Variants in PHF21A observed in about 807,000 individuals in gnomAD.
PHF21A encodes BHC80a.
Under a neutral mutation model 82.5 loss-of-function variants are expected in PHF21A, and 11 were observed. The observed-to-expected ratio is 0.13, with a 90% confidence interval of 0.08 to 0.22. The LOEUF is 0.22. PHF21A is among the 10% of genes least tolerant of loss of function. The probability of loss-of-function intolerance (pLI) is 1.00; values close to 1 mark genes in which losing one functional copy is unlikely to be tolerated. For missense variants in PHF21A, 579 were observed against 837.8 expected, an observed-to-expected ratio of 0.69 and a Z score of 3.81; for synonymous variants, 297 against 302.8, an observed-to-expected ratio of 0.98 and a Z score of 0.20.
At chr11:46,031,967 T>C (rs2095874618) in intron 6 of PHF21A, among the ~76,000 whole-genome samples, 1 of 152,198 alleles carries the variant, frequency 6.6e-6, no homozygotes, top group Admixed American at 6.5e-5. Flanking sequence ...TGCACATCTT[T>C]TTGTTCTCTT....
chr11:45,999,859 C>T (rs2095056067), intron 6 of PHF21A, among the ~76,000 whole-genome samples: 1 of 151,980 alleles, frequency 6.6e-6, no homozygotes, highest in Non-Finnish European at 1.5e-5. Context: ...ATAGAAACAT[C>T]GTAACTTTTC....
intron 6 of PHF21A, among the ~76,000 whole-genome samples, chr11:46,031,612 G>A (rs900885474): frequency 3.9e-5 from 6 of 152,188 alleles, no homozygotes; most frequent in African/African-American, 1.4e-4. Context: ...TAATTAGGCA[G>A]TTATGTAATT....
chr11:46,052,495 A>G (rs1254979076), intron 6 of PHF21A, among the ~76,000 whole-genome samples: 1 of 151,874 alleles, frequency 6.6e-6, no homozygotes. Flanking sequence ...ATTCAACCTC[A>G]CTGCCTATCA....
intron 1 of PHF21A, among the ~76,000 whole-genome samples, chr11:46,099,523 G>GACACACACACACACACACACACACAC (rs71038882): frequency 2.5e-4 from 35 of 137,674 alleles, no homozygotes; most frequent in South Asian, 5.0e-4. Context: ...AGAAAAATTA[G>GACACACACACACACACACACACACAC]ACACACACAC....
chr11:46,038,531 T>C (rs10838547), intron 6 of PHF21A, among the ~76,000 whole-genome samples: 22,854 of 152,172 alleles, frequency 0.15, 3,513 homozygotes, highest in East Asian at 0.62. Flanking sequence ...TTATCTTTAT[T>C]AGTTTACTGT....
At chr11:46,039,162 C>T (rs1047878570) in intron 6 of PHF21A, among the ~76,000 whole-genome samples, 5 of 152,130 alleles carry the variant, frequency 3.3e-5, no homozygotes, top group Admixed American at 6.5e-5. Flanking sequence ...TTTTGTTTTA[C>T]TGATGAAATA....
chr11:45,969,703 A>G lies in PHF21A; in HGVS notation c.702+112T>C. The G allele has an allele frequency of 4.3e-6, 3 of 690,528 alleles. No homozygotes were observed. The East Asian group carries it at 8.1e-5, about 19-fold the overall frequency. The allele number at this position is 690,528 out of a possible 1,614,324, so 42.8% of individuals were successfully genotyped here. A position where few individuals can be genotyped will look rare whatever the true frequency, so the allele number is the denominator to read the frequency against. On this transcript the variant is annotated intron_variant, in intron 9 of 18. Transcript: ENST00000676320. ...AAATCAACAGTCAGAATGTTTAGCTAAGCGGGATAGACAGCTGGGCTGACA... is the reference window on the plus strand; with the variant it reads ...AAATCAACAGTCAGAATGTTTAGCTGAGCGGGATAGACAGCTGGGCTGACA...
At chr11:45,973,872 C>T (rs894663689) in intron 7 of PHF21A, among the ~76,000 whole-genome samples, 1 of 152,168 alleles carries the variant, frequency 6.6e-6, no homozygotes, top group African/African-American at 2.4e-5. Context: ...TAAAGAAACG[C>T]ATGTTGTTAC....
chr11:46,043,918 C>T (rs2096207703), intron 6 of PHF21A, among the ~76,000 whole-genome samples: 1 of 152,130 alleles, frequency 6.6e-6, no homozygotes, highest in African/African-American at 2.4e-5. Flanking sequence ...TGGATCGCAG[C>T]AACTGCTTTA....
At chr11:45,981,891 G>C (rs2094301768) in intron 6 of PHF21A, among the ~76,000 whole-genome samples, 2 of 147,464 alleles carry the variant, frequency 1.4e-5, no homozygotes, top group East Asian at 4.0e-4. Context: ...AAGTTCTCTT[G>C]AGAGTTGTTT....
chr11:45,990,250 CTTTTTTTTTTTT>C (rs201187984), intron 6 of PHF21A, among the ~76,000 whole-genome samples: 21 of 56,276 alleles, frequency 3.7e-4, no homozygotes, highest in South Asian at 8.5e-4. Flanking sequence ...TTTTCATCTT[CTTTTTTTTTTTT>C]TTTTTTTTTT....
At chr11:45,982,338 A>G (rs2136350427) in intron 6 of PHF21A, among the ~76,000 whole-genome samples, 1 of 152,296 alleles carries the variant, frequency 6.6e-6, no homozygotes, top group East Asian at 1.9e-4. Context: ...TTTGGGGGGA[A>G]AAATTCTGCT....
At chr11:46,002,914 T>C (rs927349512) in intron 6 of PHF21A, among the ~76,000 whole-genome samples, 1 of 152,178 alleles carries the variant, frequency 6.6e-6, no homozygotes, top group Admixed American at 6.5e-5. Context: ...TGATACCTTT[T>C]TACTTAAAAC....
At chr11:46,020,634 A>G (rs531143684) in intron 6 of PHF21A, among the ~76,000 whole-genome samples, 3 of 152,192 alleles carry the variant, frequency 2.0e-5, no homozygotes, top group Non-Finnish European at 4.4e-5. Context: ...AAATTTCTCA[A>G]ATATGAACAT....
chr11:46,096,982 C>T (rs545560556), intron 1 of PHF21A, among the ~76,000 whole-genome samples: 1 of 152,226 alleles, frequency 6.6e-6, no homozygotes, highest in East Asian at 1.9e-4. Flanking sequence ...TAAAAGTCAT[C>T]TTAAGACTCT....
At chr11:45,935,338 G>A in intron 18 of PHF21A, 1 of 1,004,368 alleles carries the variant, frequency 1.0e-6, no homozygotes, top group Non-Finnish European at 1.4e-6. Flanking sequence ...GGAATACGCA[G>A]GGCCATGGCT....
chr11:46,046,970 G>T (rs1292197340), intron 6 of PHF21A, among the ~76,000 whole-genome samples: 1 of 152,186 alleles, frequency 6.6e-6, no homozygotes, highest in Non-Finnish European at 1.5e-5. Flanking sequence ...ACATGGGCAG[G>T]TCAAAATAAA....
intron 15 of PHF21A, among the ~76,000 whole-genome samples, chr11:45,940,415 C>G (rs1450669986): frequency 6.6e-6 from 1 of 152,066 alleles, no homozygotes; most frequent in Non-Finnish European, 1.5e-5. Flanking sequence ...AGGCTGGTCT[C>G]GAACTCCTGA....
At chr11:45,963,540 G>C (rs569228270) in intron 10 of PHF21A, among the ~76,000 whole-genome samples, 16 of 151,986 alleles carry the variant, frequency 1.1e-4, no homozygotes, top group African/African-American at 3.4e-4. Context: ...TTTAGATTAC[G>C]GGGAAAAGCA....
Sources: allele counts gnomAD v4.1 joint callset (sites outside exome capture counted in the v4.1 genomes callset), GRCh38; gene constraint gnomAD v4.1.1; transcripts MANE v1.5; gene names NCBI Gene and HGNC (gene_info 2026-07-23, HGNC 2026-07-21).